The following AKAP19 variants were observed in gnomAD, a reference collection of about 807,000 sequenced individuals.
AKAP19 encodes A-kinase anchoring protein 19.
chr2:190,072,324 C>A, the AKAP19 span, among the ~76,000 whole-genome samples: 5 of 152,032 alleles, frequency 3.3e-5, no homozygotes, highest in African/African-American at 1.2e-4. Flanking sequence ...AGCTCACTAC[C>A]TGGATGATGG....
At chr2:190,023,795 G>GTGTATATATA in the AKAP19 span, among the ~76,000 whole-genome samples, 48 of 142,826 alleles carry the variant, frequency 3.4e-4, no homozygotes, top group African/African-American at 1.1e-3. Context: ...ATGTGTGTGT[G>GTGTATATATA]TATATATATA....
chr2:190,187,012 G>A, the AKAP19 span, among the ~76,000 whole-genome samples: 1 of 151,868 alleles, frequency 6.6e-6, no homozygotes, highest in Non-Finnish European at 1.5e-5. Flanking sequence ...GCTGATTTTT[G>A]TATCTTTAGT....
the AKAP19 span, among the ~76,000 whole-genome samples, chr2:189,929,790 A>T: frequency 6.6e-6 from 1 of 151,130 alleles, no homozygotes; most frequent in Non-Finnish European, 1.5e-5. Context: ...AACAAGCTTT[A>T]AACTACTTTT....
chr2:190,049,191 T>G, the AKAP19 span, among the ~76,000 whole-genome samples: 2 of 152,104 alleles, frequency 1.3e-5, no homozygotes, highest in East Asian at 3.9e-4. Context: ...CTTAAATACA[T>G]AGATTTCTTT....
chr2:190,074,729 A>G, the AKAP19 span, among the ~76,000 whole-genome samples: 1 of 152,160 alleles, frequency 6.6e-6, no homozygotes, highest in South Asian at 2.1e-4. Context: ...TAAAAGTGTC[A>G]TTTTAACTTA....
chr2:190,163,992 A>G, the AKAP19 span: 2 of 152,236 alleles, frequency 1.3e-5, no homozygotes, highest in African/African-American at 4.8e-5. Context: ...TGTGATCTAC[A>G]CGGAAACCAT....
At chr2:190,194,499 C>T in the AKAP19 span, among the ~76,000 whole-genome samples, 1 of 145,998 alleles carries the variant, frequency 6.8e-6, no homozygotes, top group Non-Finnish European at 1.5e-5. Flanking sequence ...CACACACACA[C>T]ACACACACAC....
At chr2:190,035,506 T>G in the AKAP19 span, among the ~76,000 whole-genome samples, 2 of 152,136 alleles carry the variant, frequency 1.3e-5, no homozygotes, top group Non-Finnish European at 2.9e-5. Flanking sequence ...CCACTTTGTT[T>G]TGTTCATCAC....
chr2:190,192,482 G>C, the AKAP19 span, among the ~76,000 whole-genome samples: 1 of 146,528 alleles, frequency 6.8e-6, no homozygotes, highest in South Asian at 2.1e-4. Context: ...GTGTGTGTGT[G>C]TGTGTGTGTA....
At chr2:190,035,931 A>G in the AKAP19 span, among the ~76,000 whole-genome samples, 2 of 152,312 alleles carry the variant, frequency 1.3e-5, no homozygotes, top group African/African-American at 2.4e-5. Flanking sequence ...GTAAATATCT[A>G]GGCATGGAAT....
chr2:189,978,112 T>G, the AKAP19 span, among the ~76,000 whole-genome samples: 2 of 152,188 alleles, frequency 1.3e-5, no homozygotes, highest in African/African-American at 4.8e-5. Flanking sequence ...AAAAATACAC[T>G]CAGAGGTACA....
chr2:189,969,462 C>T, the AKAP19 span, among the ~76,000 whole-genome samples: 1 of 152,066 alleles, frequency 6.6e-6, no homozygotes, highest in Non-Finnish European at 1.5e-5. Flanking sequence ...ACCCACTCTA[C>T]CATTACTAAA....
At chr2:190,115,154 AGT>A in the AKAP19 span, among the ~76,000 whole-genome samples, 4 of 130,320 alleles carry the variant, frequency 3.1e-5, no homozygotes, top group Admixed American at 7.9e-5. Context: ...TGTGTGTGTG[AGT>A]GTGTGTGTGT....
the AKAP19 span, among the ~76,000 whole-genome samples, chr2:190,097,897 GAAA>G: frequency 3.7e-5 from 5 of 133,998 alleles, no homozygotes; most frequent in African/African-American, 1.4e-4. Context: ...GAAAAGAAAA[GAAA>G]AAGAAAAAAA....
the AKAP19 span, among the ~76,000 whole-genome samples, chr2:190,063,362 T>C: frequency 2.0e-5 from 3 of 152,142 alleles, no homozygotes; most frequent in Non-Finnish European, 4.4e-5. Context: ...GTTTCATGTC[T>C]TTTATTAATA....
the AKAP19 span, among the ~76,000 whole-genome samples, chr2:189,995,135 A>C: frequency 6.6e-6 from 1 of 152,154 alleles, no homozygotes; most frequent in African/African-American, 2.4e-5. Flanking sequence ...ATATCTGTTA[A>C]GTCCATTTGT....
At chr2:189,992,942 T>C in the AKAP19 span, among the ~76,000 whole-genome samples, 1 of 152,218 alleles carries the variant, frequency 6.6e-6, no homozygotes, top group African/African-American at 2.4e-5. Flanking sequence ...TTTCTAGTTA[T>C]ACAATCATAT....
the AKAP19 span, among the ~76,000 whole-genome samples, chr2:189,981,192 T>G: frequency 2.0e-5 from 3 of 152,168 alleles, no homozygotes; most frequent in Non-Finnish European, 2.9e-5. Context: ...GATGCTCCAA[T>G]GTTGGGTGTA....
chr2:190,166,983 A>G, the AKAP19 span, among the ~76,000 whole-genome samples: 1 of 152,244 alleles, frequency 6.6e-6, no homozygotes, highest in Non-Finnish European at 1.5e-5. Flanking sequence ...TCTACATAGA[A>G]AATTTTTAAA....
Sources: allele counts gnomAD v4.1 joint callset (sites outside exome capture counted in the v4.1 genomes callset), GRCh38; gene constraint gnomAD v4.1.1; transcripts MANE v1.5; gene names NCBI Gene and HGNC (gene_info 2026-07-23, HGNC 2026-07-21).